FRMD4B: variants seen among roughly 807,000 people sequenced by gnomAD.
The protein encoded by FRMD4B is FERM domain containing 4B.
Under a neutral mutation model 141.5 loss-of-function variants are expected in FRMD4B, and 74 were observed. The ratio of observed to expected loss-of-function variants is 0.52; its 90% CI spans 0.43 to 0.63. FRMD4B has a LOEUF of 0.63. FRMD4B is among the 30% of genes least tolerant of loss of function. FRMD4B has a pLI of 0.00. For synonymous variants in FRMD4B, 506 were observed against 467.9 expected (o/e 1.08, Z -1.05); for missense variants, 1,366 against 1,253.4 (o/e 1.09, Z -1.36).
rs574840779 is a variant in FRMD4B, at chr3:69,352,934, C to T, written c.162+32894G>A. 1.3e-4 allele frequency among the ~76,000 whole-genome samples: 20 copies of T among 152,168 alleles called. 1 individual carries two copies. In the South Asian group the frequency reaches 4.1e-3, roughly 32 times the overall value. ...TAGGACACCACGGAATTTTTGTTGC[C>T]AAGTGTTCACAAAAACAGGGAAGGC... On this transcript the variant is annotated intron_variant, in intron 1 of 22. Transcript: ENST00000398540.
intron 2 of FRMD4B, among the ~76,000 whole-genome samples, chr3:69,429,095 C>T (rs1354363255): frequency 1.3e-5 from 2 of 152,200 alleles, no homozygotes; most frequent in African/African-American, 4.8e-5. Context: ...TCTACCCTGA[C>T]ACTTTTTAAA....
chr3:69,257,793 C>G (rs1314854450), intron 5 of FRMD4B, among the ~76,000 whole-genome samples: 2 of 151,756 alleles, frequency 1.3e-5, no homozygotes, highest in African/African-American at 4.8e-5. Flanking sequence ...TCCTGAGTAG[C>G]CGGGACTACA....
intron 2 of FRMD4B, among the ~76,000 whole-genome samples, chr3:69,416,936 T>C (rs1704877339): frequency 6.6e-6 from 1 of 152,226 alleles, no homozygotes; most frequent in African/African-American, 2.4e-5. Flanking sequence ...CACATTTTCT[T>C]TATCCAGTCT....
At position 69,485,765 on chromosome 3, in the gene FRMD4B, G is replaced by A. The variant is rs1026524077; in HGVS notation, c.-128-53004C>T. ...GCCCTGGTGCTTGGGGTGACCCAGAGCTCCCCTTCACCTGGTGCGACGCAG... is the reference window on the plus strand; with the variant it reads ...GCCCTGGTGCTTGGGGTGACCCAGAACTCCCCTTCACCTGGTGCGACGCAG... On this transcript the variant is annotated intron_variant, in intron 1 of 5. Coordinates refer to the FRMD4B transcript ENST00000459638. Among the ~76,000 whole-genome samples, 3 of 152,216 alleles carry A rather than the reference G, an allele frequency of 2.0e-5. No homozygotes were observed. The East Asian group carries it at 5.8e-4, about 29-fold the overall frequency.
chr3:69,525,703 G>C (rs1342663520), intron 1 of FRMD4B, among the ~76,000 whole-genome samples: 1 of 151,910 alleles, frequency 6.6e-6, no homozygotes, highest in Non-Finnish European at 1.5e-5. Flanking sequence ...CCAGTCTGGA[G>C]TGCAGTGGCA....
At chr3:69,326,047 C>CA in intron 1 of FRMD4B, among the ~76,000 whole-genome samples, 1 of 152,078 alleles carries the variant, frequency 6.6e-6, no homozygotes, top group East Asian at 1.9e-4. Context: ...CTCCTGGGCT[C>CA]ACGCAATCCT....
intron 1 of FRMD4B, among the ~76,000 whole-genome samples, chr3:69,379,382 G>A (rs1358579422): frequency 2.0e-5 from 3 of 152,126 alleles, no homozygotes; most frequent in Admixed American, 6.5e-5. Context: ...AGGTTCAAGC[G>A]TTCCTCCTGC....
chr3:69,329,516 ATTTTTTTTTTTTTTT>A (rs10554375), intron 1 of FRMD4B, among the ~76,000 whole-genome samples: 8 of 55,560 alleles, frequency 1.4e-4, no homozygotes, highest in Admixed American at 1.0e-3. Flanking sequence ...TGCCCAGCTA[ATTTTTTTTTTTTTTT>A]TTTTTTTTTT....
chr3:69,222,644 G>A (rs1398180787), intron 8 of FRMD4B, among the ~76,000 whole-genome samples: 1 of 152,056 alleles, frequency 6.6e-6, no homozygotes, highest in Non-Finnish European at 1.5e-5. Context: ...GGTGGCGCAT[G>A]CCTGTAATCC....
intron 1 of FRMD4B, among the ~76,000 whole-genome samples, chr3:69,520,174 A>AAT (rs1327683303): frequency 5.3e-5 from 6 of 112,286 alleles, no homozygotes; most frequent in Non-Finnish European, 1.0e-4. Flanking sequence ...TATATGATGG[A>AAT]ATATATATAT....
At chr3:69,240,962 G>T (rs1247594584) in intron 7 of FRMD4B, among the ~76,000 whole-genome samples, 1 of 152,154 alleles carries the variant, frequency 6.6e-6, no homozygotes, top group African/African-American at 2.4e-5. Flanking sequence ...CTGTGTCTCA[G>T]CCAGCCGCTA....
chr3:69,525,185 C>G (rs371833013), intron 1 of FRMD4B, among the ~76,000 whole-genome samples: 3 of 151,994 alleles, frequency 2.0e-5, no homozygotes, highest in East Asian at 3.9e-4. Flanking sequence ...AAAGTTCTTG[C>G]TAATCCTGCC....
intron 2 of FRMD4B, among the ~76,000 whole-genome samples, chr3:69,394,980 C>T (rs1187002018): frequency 1.3e-5 from 2 of 152,048 alleles, no homozygotes; most frequent in Non-Finnish European, 2.9e-5. Flanking sequence ...AACACCTGGA[C>T]ACGGGGAGGA....
intron 1 of FRMD4B, among the ~76,000 whole-genome samples, chr3:69,528,277 C>T (rs1299212071): frequency 6.9e-6 from 1 of 145,622 alleles, no homozygotes; most frequent in Non-Finnish European, 1.5e-5. Flanking sequence ...TTCCTACCTT[C>T]CTTCCTTCCT....
chr3:69,215,169 C>T (rs751258350), intron 11 of FRMD4B, among the ~76,000 whole-genome samples: 28 of 151,170 alleles, frequency 1.9e-4, no homozygotes, highest in Admixed American at 8.6e-4. Context: ...TGTGAGCTAC[C>T]GCACCCAGCT....
At chr3:69,434,780 G>C (rs1199832969) in intron 1 of FRMD4B, among the ~76,000 whole-genome samples, 1 of 152,180 alleles carries the variant, frequency 6.6e-6, no homozygotes, top group South Asian at 2.1e-4. Flanking sequence ...AATGAGTTGG[G>C]GTAGATGAGT....
At chr3:69,533,561 T>C (rs1348616435) in intron 1 of FRMD4B, among the ~76,000 whole-genome samples, 3 of 152,332 alleles carry the variant, frequency 2.0e-5, no homozygotes, top group African/African-American at 7.2e-5. Flanking sequence ...CACCAGTTAG[T>C]GGGGCTTGTG....
intron 1 of FRMD4B, among the ~76,000 whole-genome samples, chr3:69,434,186 A>G (rs1705225160): frequency 6.6e-6 from 1 of 152,226 alleles, no homozygotes; most frequent in Non-Finnish European, 1.5e-5. Context: ...GGGTGTTAAC[A>G]AAGACTACAC....
intron 19 of FRMD4B, among the ~76,000 whole-genome samples, chr3:69,187,536 A>T (rs1417344498): frequency 6.8e-6 from 1 of 146,160 alleles, no homozygotes; most frequent in Non-Finnish European, 1.5e-5. Flanking sequence ...GTGAAACTCC[A>T]CCTCAAAAAA....
Sources: allele counts gnomAD v4.1 joint callset (sites outside exome capture counted in the v4.1 genomes callset), GRCh38; gene constraint gnomAD v4.1.1; transcripts MANE v1.5; gene names NCBI Gene and HGNC (gene_info 2026-07-23, HGNC 2026-07-21).